Variants in DCTD observed in about 807,000 individuals in gnomAD.
The protein encoded by DCTD is deoxycytidylate deaminase.
DCTD carries 23 observed loss-of-function variants against 21.0 expected under a neutral mutation model. The ratio of observed to expected loss-of-function variants is 1.09; its 90% confidence interval spans 0.79 to 1.55. DCTD has a LOEUF of 1.55. Among genes scored for constraint, DCTD ranks in the 40% most tolerant of loss-of-function variants. The pLI, the probability that DCTD is intolerant of heterozygous loss-of-function variation, is 0.00. For synonymous variants in DCTD, 71 were observed against 81.1 expected (o/e 0.88, Z 0.67); for missense variants, 224 against 230.0 (o/e 0.97, Z 0.17).
chr4:182,911,081 A>G (rs1019380180), intron 3 of DCTD: 1 of 152,238 alleles, frequency 6.6e-6, no homozygotes, highest in African/African-American at 2.4e-5. Flanking sequence ...GAAACAATGG[A>G]CATTTATTTC....
In DCTD at chr4:182,894,492, C is replaced by T. The variant is rs763654823; in HGVS notation, c.358G>A (p.Ala120Thr). The T allele has an allele frequency of 1.2e-6, 2 of 1,601,264 alleles. No individual in the cohort carries two copies. Among genetic ancestry groups the T allele is most frequent in the Non-Finnish European group, 8.6e-7 (1 of 1,168,466 alleles). ...AATGGAAAGACCCGGTTCCTACCTG[C>T]CTGGATGATGAGCTTAGCGCATTCA... is the stretch of plus-strand genomic sequence containing the variant. Reference protein sequence around the residue: ...CNECAKLIIQAGIKEVIFMSD... With the variant: ...CNECAKLIIQTGIKEVIFMSD... Residue 120 changes from alanine (A) to threonine (T), a missense_variant, in exon 4 of 6, where the codon GCA becomes ACA. Coordinates refer to ENST00000438320, the MANE Select transcript of DCTD (RefSeq NM_001921.3).
chr4:182,907,298 C>T (rs1297211192), intron 3 of DCTD, among the ~76,000 whole-genome samples: 4 of 152,116 alleles, frequency 2.6e-5, no homozygotes, highest in African/African-American at 9.7e-5. Context: ...CCACAACACC[C>T]GGCTAATTTT....
rs1423863930 is a variant in DCTD at position 182,890,793 on chromosome 4, T to A, written c.*606A>T. 6.6e-6 allele frequency: 1 copy of A among 152,310 alleles called. No individual in the cohort carries two copies. The highest frequency in any genetic ancestry group is 6.5e-5 in the Admixed American group (1 of 15,286). 9.4% of individuals were successfully genotyped at this position (152,310 alleles called of 1,614,324 possible). A position where few individuals can be genotyped will look rare whatever the true frequency, so the allele number is the denominator to read the frequency against. ...TGGGAGAGCAGGAATGGAGGAAATA[T>A]TCCTGGTTCAGTTACACTCCTCGTC... On this transcript the variant is annotated 3_prime_UTR_variant, in exon 6 of 6. Transcript: ENST00000438320.
intron 3 of DCTD, among the ~76,000 whole-genome samples, chr4:182,905,898 C>G (rs1046410494): frequency 2.0e-5 from 3 of 152,152 alleles, no homozygotes; most frequent in Admixed American, 2.0e-4. Flanking sequence ...TGCTTCTCCT[C>G]CTCAGCATGC....
intron 3 of DCTD, among the ~76,000 whole-genome samples, chr4:182,898,528 C>G (rs1275230742): frequency 6.6e-6 from 1 of 152,220 alleles, no homozygotes; most frequent in Non-Finnish European, 1.5e-5. Context: ...CCTCAATCCT[C>G]CAGAACAGGT....
In DCTD at chr4:182,915,006, T is replaced by A; in HGVS notation, c.161A>T (p.Asn54Ile). The A allele has an allele frequency of 6.2e-7, 1 of 1,614,216 alleles. No homozygotes were observed. Among genetic ancestry groups the A allele is most frequent in the South Asian group, 1.1e-5 (1 of 91,074 alleles). Residue 54 changes from asparagine (N) to isoleucine (I), a missense_variant, in exon 3 of 6, where the codon AAT becomes ATT. Transcript: ENST00000438320. ...SENKIVGIGYNGMPNGCSDDV... is the reference protein window; with the variant it reads ...SENKIVGIGYIGMPNGCSDDV... ...ATCACTGCACCCATTTGGCATCCCA[T>A]TGTACCCAATCCCGACAATCTTGTT...
intron 3 of DCTD, among the ~76,000 whole-genome samples, chr4:182,899,174 C>T (rs1032325817): frequency 1.3e-5 from 2 of 152,154 alleles, no homozygotes; most frequent in African/African-American, 2.4e-5. Flanking sequence ...AGGAGGGTCT[C>T]GTCATCATGA....
At position 182,891,447 on chromosome 4, in the gene DCTD, G is replaced by A. The variant is rs779576745; in HGVS notation, c.489C>T (p.Val163=). Residue 163 remains valine, a synonymous_variant, in exon 6 of 6, where the codon GTC becomes GTT. Coordinates refer to ENST00000438320, the MANE Select transcript of DCTD (RefSeq NM_001921.3). Reference sequence around the variant, plus strand: ...TGCTGTTAATTGAATCAAAGTCAATGACAATCTTGCTGCACTTCGGTATGA... The same window carrying A: ...TGCTGTTAATTGAATCAAAGTCAATAACAATCTTGCTGCACTTCGGTATGA... ...RKFIPKCSKI[V]IDFDSINSRP... The A allele has an allele frequency of 3.1e-6, 5 of 1,612,202 alleles. No individual in the cohort carries two copies. The highest frequency in any genetic ancestry group is 4.5e-5 in the East Asian group (2 of 44,860).
chr4:182,896,015 A>G (rs1734662228), intron 3 of DCTD, among the ~76,000 whole-genome samples: 1 of 152,272 alleles, frequency 6.6e-6, no homozygotes, highest in South Asian at 2.1e-4. Flanking sequence ...GCCATGGCCC[A>G]CATCACACAA....
chr4:182,904,977 G>T (rs978710635), intron 3 of DCTD, among the ~76,000 whole-genome samples: 1 of 152,152 alleles, frequency 6.6e-6, no homozygotes, highest in Non-Finnish European at 1.5e-5. Flanking sequence ...ACAAATGTCT[G>T]CTACAGAAAA....
rs756063546 is a variant in DCTD at position 182,903,739 on chromosome 4, C to T, written c.245-9134G>A. ...AAGCTGAGGCAAGAACTTCCGTCTC[C>T]GCTCCTGCAACAATGCACTCAGGGG... On this transcript the variant is annotated intron_variant, in intron 3 of 5. Transcript: ENST00000438320. Among the ~76,000 whole-genome samples the T allele has an allele frequency of 2.0e-5, 3 of 152,186 alleles. No homozygotes were observed. In the South Asian group the frequency reaches 6.2e-4, roughly 32 times the overall value.
chr4:182,912,724 G>A lies in DCTD; in HGVS notation c.244+2199C>T, dbSNP rs146522726. On this transcript the variant is annotated intron_variant, in intron 3 of 5. Coordinates refer to ENST00000438320, the MANE Select transcript of DCTD (RefSeq NM_001921.3). The stretch of plus-strand genomic sequence containing the variant: ...CACGGGAAGTCAGGAGAGCTGGGAA[G>A]TCTGGGGTGTGGGGCAGGTGCTGCA... Among the ~76,000 whole-genome samples the A allele has an allele frequency of 6.2e-4, 95 of 152,334 alleles. 1 individual carries two copies. The East Asian group carries it at 0.015, about 25-fold the overall frequency.
intron 3 of DCTD, among the ~76,000 whole-genome samples, chr4:182,897,840 TC>T (rs1414706742): frequency 1.3e-5 from 2 of 152,114 alleles, no homozygotes; most frequent in Non-Finnish European, 2.9e-5. Flanking sequence ...CCTTCGTAAC[TC>T]CCAGCTGCCG....
chr4:182,892,864 CT>C (rs770953722), intron 5 of DCTD, among the ~76,000 whole-genome samples, 166 bp downstream of exon 5: 1 of 152,226 alleles, frequency 6.6e-6, no homozygotes, highest in Non-Finnish European at 1.5e-5. Flanking sequence ...TGTCACTGCT[CT>C]TAAATATCTA....
chr4:182,891,200 C>T lies in DCTD; in HGVS notation c.*199G>A. On this transcript the variant is annotated 3_prime_UTR_variant, in exon 6 of 6. Coordinates refer to ENST00000438320, the MANE Select transcript of DCTD (RefSeq NM_001921.3). The stretch of plus-strand genomic sequence containing the variant: ...ACCACAGGCTCCCCTATTTTAAACC[C>T]TAAAGCAATAGTTCAAACACATGTA... The T allele has an allele frequency of 1.9e-6, 1 of 530,604 alleles. No homozygotes were observed. The highest frequency in any genetic ancestry group is 3.4e-6 in the Non-Finnish European group (1 of 298,112). 32.9% of individuals were successfully genotyped at this position (530,604 alleles called of 1,614,324 possible).
At chr4:182,912,917 G>A (rs193141837) in intron 3 of DCTD, among the ~76,000 whole-genome samples, 150 of 152,222 alleles carry the variant, frequency 9.9e-4, no homozygotes, top group African/African-American at 3.2e-3. Context: ...TGAGTATGAC[G>A]GACCGCCATC....
chr4:182,908,162 T>C (rs1398198628), intron 3 of DCTD, among the ~76,000 whole-genome samples: 1 of 152,138 alleles, frequency 6.6e-6, no homozygotes, highest in African/African-American at 2.4e-5. Flanking sequence ...TACTTTAATA[T>C]AGCTGGTATT....
intron 2 of DCTD, 111 bp downstream of exon 2, chr4:182,915,350 G>A (rs550554309): frequency 3.9e-5 from 32 of 810,956 alleles, no homozygotes; most frequent in African/African-American, 1.2e-4. Context: ...AAGGCAGACC[G>A]ACCCTGCACT....
intron 3 of DCTD, chr4:182,911,525 T>C (rs2152863277): frequency 6.6e-6 from 1 of 152,050 alleles, no homozygotes; most frequent in East Asian, 1.9e-4. Context: ...AATGAGACAA[T>C]GATTGGCATT....
Sources: allele counts gnomAD v4.1 joint callset (sites outside exome capture counted in the v4.1 genomes callset), GRCh38; gene constraint gnomAD v4.1.1; transcripts MANE v1.5; gene names NCBI Gene and HGNC (gene_info 2026-07-23, HGNC 2026-07-21).